The following PCDHGA10 variants were observed in gnomAD, a reference collection of about 807,000 sequenced individuals.
PCDHGA10 encodes protocadherin gamma-A10.
A neutral mutation model predicts 59.5 loss-of-function variants in PCDHGA10; 42 were observed. The observed-to-expected ratio is 0.71, with a 90% confidence interval of 0.55 to 0.91. The LOEUF (loss-of-function observed/expected upper bound fraction) is 0.91, where lower values mean the gene tolerates loss of function less well. Among genes scored for constraint, PCDHGA10 ranks in the 40% least tolerant of loss-of-function variants. The pLI is 0.00. For missense variants in PCDHGA10, 1,111 were observed against 1,198.2 expected, an observed-to-expected ratio of 0.93 and a Z score of 1.07; for synonymous variants, 511 against 517.2, an observed-to-expected ratio of 0.99 and a Z score of 0.16.
Position 141,432,126 on chromosome 5 carries a change from C to A in PCDHGA10, c.2436+16515C>A. 6.2e-7 allele frequency: 1 copy of A among 1,614,144 alleles called. No homozygotes were observed. Among genetic ancestry groups the A allele is most frequent in the South Asian group, 1.1e-5 (1 of 91,058 alleles). ...AACCCGCCGGTCTTCCCTCAGGCCT[C>A]CTATTCCGCTTATATCCCAGAGAAC... On this transcript the variant is annotated intron_variant, in intron 1 of 3. Transcript: ENST00000398610. The surrounding 1 kb of genome is among the most constrained non-coding windows in gnomAD (Gnocchi z 6.0).
rs1014758036 is a variant in PCDHGA10 at position 141,486,472 on chromosome 5, T to C, written c.2437-8335T>C. The C allele has an allele frequency of 6.2e-7, 1 of 1,614,032 alleles. No homozygotes were observed. Among genetic ancestry groups the C allele is most frequent in the Non-Finnish European group, 8.5e-7 (1 of 1,179,862 alleles). ...TCACTGCTTCTGATGCTGGGAACCC[T>C]CCTCTCAGTACCCACAGAACTATTT... On this transcript the variant is annotated intron_variant, in intron 1 of 3. Coordinates refer to ENST00000398610, the MANE Select transcript of PCDHGA10 (RefSeq NM_018913.3). This position sits in a 1 kb window ranked among gnomAD's most constrained non-coding sequence, Gnocchi z 5.0.
In PCDHGA10 at chr5:141,431,211, G is replaced by A. The variant is rs1054638121; in HGVS notation, c.2436+15600G>A. The A allele has an allele frequency of 6.2e-7, 1 of 1,614,004 alleles. No individual in the cohort carries two copies. The highest frequency in any genetic ancestry group is 1.7e-5 in the Admixed American group (1 of 60,006). ...AGTGAAAATGCAGCCACTGAGATGC[G>A]GTTCCCTCTACCCCACGCCTGGGAT... On this transcript the variant is annotated intron_variant, in intron 1 of 3. Coordinates refer to ENST00000398610, the MANE Select transcript of PCDHGA10 (RefSeq NM_018913.3). This position sits in a 1 kb window ranked among gnomAD's most constrained non-coding sequence, Gnocchi z 4.8.
At chr5:141,445,490 C>A (rs1181158971) in intron 1 of PCDHGA10, among the ~76,000 whole-genome samples, 1 of 152,134 alleles carries the variant, frequency 6.6e-6, no homozygotes, top group African/African-American at 2.4e-5. Flanking sequence ...AGTTAATGGG[C>A]CCTATTCTAA....
rs2097383403 is a variant in PCDHGA10 at position 141,431,483 on chromosome 5, T to C, written c.2436+15872T>C. On this transcript the variant is annotated intron_variant, in intron 1 of 3. Coordinates refer to ENST00000398610, the MANE Select transcript of PCDHGA10 (RefSeq NM_018913.3). This position sits in a 1 kb window ranked among gnomAD's most constrained non-coding sequence, Gnocchi z 4.8. ...GGATGCGAACGACAACGCACCAGCG[T>C]TTGCTCAGCCCGAGTACCGCGCGAG... 2 of 1,613,758 alleles carry C rather than the reference T, an allele frequency of 1.2e-6. No homozygotes were observed. The highest frequency in any genetic ancestry group is 2.7e-5 in the African/African-American group (2 of 74,938).
In PCDHGA10 at chr5:141,422,911, G is replaced by C. The variant is rs375046528; in HGVS notation, c.2436+7300G>C. ...GCTGGACCAGAACGACAATGCGCCC[G>C]AGATCCTGTACCCTGCCCTCCCCAC... On this transcript the variant is annotated intron_variant, in intron 1 of 3. Transcript: ENST00000398610. 41 of 1,614,236 alleles carry C rather than the reference G, an allele frequency of 2.5e-5. No individual in the cohort carries two copies. Among genetic ancestry groups the C allele is most frequent in the Non-Finnish European group, 3.2e-5 (38 of 1,180,046 alleles).
Position 141,476,129 on chromosome 5 carries a change from G to T in PCDHGA10, c.2437-18678G>T, listed in dbSNP as rs2099385585. 6.2e-7 allele frequency: 1 copy of T among 1,606,848 alleles called. No homozygotes were observed. The highest frequency in any genetic ancestry group is 1.3e-5 in the African/African-American group (1 of 75,000). On this transcript the variant is annotated intron_variant, in intron 1 of 3. Transcript: ENST00000398610. The surrounding 1 kb of genome is among the most constrained non-coding windows in gnomAD (Gnocchi z 7.6). ...GCTTTTGAGTGAGATGGTCCCAGAG[G>T]CCTGGAGGAGCGGACTGGTAAGCAC...
At chr5:141,428,987 T>G (rs1185184865) in intron 1 of PCDHGA10, 2 of 152,288 alleles carry the variant, frequency 1.3e-5, no homozygotes, top group Non-Finnish European at 2.9e-5. Context: ...CCCGGGTAGC[T>G]GGGACTACAG....
At chr5:141,427,839 G>A (rs1276507135) in intron 1 of PCDHGA10, 3 of 1,547,192 alleles carry the variant, frequency 1.9e-6, no homozygotes, top group African/African-American at 2.7e-5. Context: ...GCGTGCCTTC[G>A]ACCACGAGCA....
chr5:141,502,487 C>A (rs563658817), intron 2 of PCDHGA10, among the ~76,000 whole-genome samples: 1 of 152,182 alleles, frequency 6.6e-6, no homozygotes, highest in Non-Finnish European at 1.5e-5. Context: ...CACACTGGGA[C>A]TCATCTAACG....
intron 2 of PCDHGA10, among the ~76,000 whole-genome samples, chr5:141,500,774 A>G (rs1479931234): frequency 6.6e-6 from 1 of 152,188 alleles, no homozygotes; most frequent in Non-Finnish European, 1.5e-5. Context: ...TCTTATGAAT[A>G]TACATATTAT....
In PCDHGA10 at chr5:141,510,929, C is replaced by T. The variant is rs1238694958; in HGVS notation, c.2585-18C>T. The T allele has an allele frequency of 3.1e-6, 5 of 1,613,988 alleles. No homozygotes were observed. The highest frequency in any genetic ancestry group is 4.2e-6 in the Non-Finnish European group (5 of 1,179,988). On this transcript the variant is annotated intron_variant, in intron 3 of 3. Coordinates refer to ENST00000398610, the MANE Select transcript of PCDHGA10 (RefSeq NM_018913.3). ...ACCCTAAGTTTAGCTCCCACCTGAT[C>T]TTCCTCTGTCTCTGCAGAAGCTGCT...
Position 141,476,292 on chromosome 5 carries a change from G to A in PCDHGA10, c.2437-18515G>A. The A allele has an allele frequency of 1.9e-6, 3 of 1,614,144 alleles. No homozygotes were observed. The highest frequency in any genetic ancestry group is 2.5e-6 in the Non-Finnish European group (3 of 1,180,016). On this transcript the variant is annotated intron_variant, in intron 1 of 3. Transcript: ENST00000398610. This position sits in a 1 kb window ranked among gnomAD's most constrained non-coding sequence, Gnocchi z 7.6. ...GTCGCGAACCTTGGTTTGGATCTCGGTAGCCTCTCAGCCCGCAGGTTCCGG... is the reference window on the plus strand; with the variant it reads ...GTCGCGAACCTTGGTTTGGATCTCGATAGCCTCTCAGCCCGCAGGTTCCGG...
At chr5:141,488,183 T>C (rs1249953031) in intron 1 of PCDHGA10, among the ~76,000 whole-genome samples, 1 of 152,148 alleles carries the variant, frequency 6.6e-6, no homozygotes, top group Non-Finnish European at 1.5e-5. Flanking sequence ...CATAGATCTT[T>C]TGGTCTGGGT....
At chr5:141,467,514 T>C (rs2154569535) in intron 1 of PCDHGA10, among the ~76,000 whole-genome samples, 1 of 152,362 alleles carries the variant, frequency 6.6e-6, no homozygotes, top group South Asian at 2.1e-4. Flanking sequence ...TTGGAGTTTA[T>C]TCTTTTGTGT....
At chr5:141,433,129 C>T in intron 1 of PCDHGA10, 1 of 1,614,130 alleles carries the variant, frequency 6.2e-7, no homozygotes, top group Non-Finnish European at 8.5e-7. Context: ...AAAGCGAGCC[C>T]CTTTTGCTGT....
Position 141,414,090 on chromosome 5 carries a change from A to C in PCDHGA10, c.915A>C (p.Ile305=), listed in dbSNP as rs2095707874. The C allele has an allele frequency of 2.5e-6, 4 of 1,598,352 alleles. No individual in the cohort carries two copies. Among genetic ancestry groups the C allele is most frequent in the Non-Finnish European group, 3.4e-6 (4 of 1,172,190 alleles). ...AACTAAACAAATATACTGGAGAAAT[A>C]AAAATATCAGAAAATCTAGATTATG... ...KFQLNKYTGE[I]KISENLDYEE... is the part of the protein sequence containing the mutation. The change falls in exon 1 of 4, where the codon ATA becomes ATC. Residue 305 remains isoleucine, a synonymous_variant. Coordinates refer to ENST00000398610, the MANE Select transcript of PCDHGA10 (RefSeq NM_018913.3).
chr5:141,438,152 G>A (rs184819165), intron 1 of PCDHGA10, among the ~76,000 whole-genome samples: 1 of 152,250 alleles, frequency 6.6e-6, no homozygotes, highest in African/African-American at 2.4e-5. Flanking sequence ...CCAGCCTATG[G>A]CAAAGCTAAT....
At chr5:141,419,904 C>G (rs2096446397) in intron 1 of PCDHGA10, 2 of 1,614,108 alleles carry the variant, frequency 1.2e-6, no homozygotes, top group Non-Finnish European at 1.7e-6. Flanking sequence ...CCCACACCCT[C>G]TGACTCCCAG....
chr5:141,434,852 A>G (rs1382212982), intron 1 of PCDHGA10, among the ~76,000 whole-genome samples: 2 of 151,990 alleles, frequency 1.3e-5, no homozygotes, highest in Non-Finnish European at 2.9e-5. Context: ...AGACATCAAT[A>G]AATTTATATA....
Sources: allele counts gnomAD v4.1 joint callset (sites outside exome capture counted in the v4.1 genomes callset), GRCh38; gene constraint gnomAD v4.1.1; non-coding constraint Gnocchi (gnomAD v3.1); transcripts MANE v1.5; gene names NCBI Gene and HGNC (gene_info 2026-07-23, HGNC 2026-07-21).